The following GUF1 variants were observed in gnomAD, a reference collection of about 807,000 sequenced individuals.
GUF1 encodes the protein GTP binding elongation factor GUF1.
Under a neutral mutation model 82.4 loss-of-function variants are expected in GUF1, and 78 were observed. That is an observed-to-expected ratio of 0.95 (90% CI 0.79 to 1.14). The LOEUF is 1.14. GUF1 is among the 50% of genes most tolerant of loss of function. The pLI, the probability that GUF1 is intolerant of heterozygous loss-of-function variation, is 0.00. For synonymous variants in GUF1, 279 were observed against 282.3 expected (o/e 0.99, Z 0.12); for missense variants, 814 against 798.2 (o/e 1.02, Z -0.24).
At chr4:44,688,749 G>T (rs2109649852) in intron 9 of GUF1, among the ~76,000 whole-genome samples, 1 of 152,036 alleles carries the variant, frequency 6.6e-6, no homozygotes, top group Admixed American at 6.6e-5. Flanking sequence ...AGTCAGTCAT[G>T]TGGATTTTAG....
rs1714550006 is a variant in GUF1, at chr4:44,678,458, C to G, written c.-165C>G. 9.3e-6 allele frequency: 5 copies of G among 539,412 alleles called. No individual in the cohort carries two copies. In the South Asian group the frequency reaches 2.5e-4, roughly 27 times the overall value. The allele number at this position is 539,412 out of a possible 1,614,324, so 33.4% of individuals were successfully genotyped here. A position where few individuals can be genotyped will look rare whatever the true frequency, so the allele number is the denominator to read the frequency against. Reference sequence around the variant, plus strand: ...CTGCGCCGCCGCTTCGGGTTGCTTCCGGATCTGGTACTTGGGCAGAGCTCC... The same window carrying G: ...CTGCGCCGCCGCTTCGGGTTGCTTCGGGATCTGGTACTTGGGCAGAGCTCC... On this transcript the variant is annotated 5_prime_UTR_variant, in exon 1 of 17. Transcript: ENST00000281543.
In GUF1 at chr4:44,680,550, C is replaced by G; in HGVS notation, c.275C>G (p.Thr92Arg). The G allele has an allele frequency of 1.3e-6, 2 of 1,588,626 alleles. No homozygotes were observed. Among genetic ancestry groups the G allele is most frequent in the Non-Finnish European group, 1.7e-6 (2 of 1,161,972 alleles). ...TTAGCTGACAGGCTCCTAGAACTTA[C>G]AGGTATTTCATTTATGTTACATACT... ...STLADRLLEL[T>R]GTIDKTKNNK... Residue 92 changes from threonine to arginine, a missense_variant and splice_region_variant, in exon 2 of 17, where the codon ACA becomes AGA. By Grantham distance (71) the Thr-to-Arg change is moderately conservative. Coordinates refer to ENST00000281543, the MANE Select transcript of GUF1 (RefSeq NM_021927.3).
intron 6 of GUF1, among the ~76,000 whole-genome samples, chr4:44,685,112 AAGT>A (rs1467905109): frequency 6.6e-6 from 1 of 152,158 alleles, no homozygotes; most frequent in Non-Finnish European, 1.5e-5. Flanking sequence ...GGACAGCATC[AAGT>A]AGTATATTCA....
chr4:44,697,381 A>G (rs757029084), intron 15 of GUF1, 27 bp from the exon 16 acceptor site: 2 of 1,493,394 alleles, frequency 1.3e-6, no homozygotes, highest in Admixed American at 3.9e-5. Context: ...GGAATTATGT[A>G]CTTAAACGAA....
chr4:44,690,006 C>G, intron 11 of GUF1, 31 bp downstream of exon 11: 1 of 1,505,914 alleles, frequency 6.6e-7, no homozygotes, highest in African/African-American at 1.4e-5. Context: ...GTATTTAGTA[C>G]TGTTTTGCAT....
Position 44,678,742 on chromosome 4 carries a change from A to T in GUF1, c.120A>T (p.Pro40=). ...CCGCGCCGACCCTTGGGGCTGCTCC[A>T]GAGTCCTGGGCTACCGACAGGCTCT... The part of the protein sequence containing the change: ...PRSAPTLGAA[P]ESWATDRLYS... Residue 40 remains proline, a synonymous_variant, in exon 1 of 17, where the codon CCA becomes CCT. Coordinates refer to ENST00000281543, the MANE Select transcript of GUF1 (RefSeq NM_021927.3). 2 of 1,541,294 alleles carry T rather than the reference A, an allele frequency of 1.3e-6. No individual in the cohort carries two copies. Among genetic ancestry groups the T allele is most frequent in the Non-Finnish European group, 1.7e-6 (2 of 1,153,328 alleles).
At chr4:44,683,404 G>T in intron 6 of GUF1, 86 bp downstream of exon 6, 1 of 676,482 alleles carries the variant, frequency 1.5e-6, no homozygotes, top group South Asian at 2.2e-5. Context: ...TTGATAACCT[G>T]GCATTATATG....
At chr4:44,694,535 C>T (rs563375350) in intron 14 of GUF1, 22 bp downstream of exon 14, 1 of 1,261,874 alleles carries the variant, frequency 7.9e-7, no homozygotes, top group East Asian at 2.4e-5. Context: ...AGAAACTAAT[C>T]ATGGAATGTG....
At chr4:44,689,252 A>G (rs757031124) in intron 9 of GUF1, 34 bp from the exon 10 acceptor site, 23 of 1,532,804 alleles carry the variant, frequency 1.5e-5, no homozygotes, top group Non-Finnish European at 2.0e-5. Flanking sequence ...TAGGCAGCTT[A>G]TCACGTGATA....
At chr4:44,683,492 G>A (rs377341341) in intron 6 of GUF1, among the ~76,000 whole-genome samples, 174 bp downstream of exon 6, 18 of 151,924 alleles carry the variant, frequency 1.2e-4, no homozygotes, top group African/African-American at 4.3e-4. Flanking sequence ...TATATTGTTA[G>A]GACATACAGA....
intron 4 of GUF1, 67 bp downstream of exon 4, chr4:44,681,270 TTAAAA>T: frequency 2.6e-6 from 3 of 1,152,894 alleles, no homozygotes; most frequent in Non-Finnish European, 3.9e-6. Flanking sequence ...GAGTTTTTCT[TTAAAA>T]TGTGTTTTGG....
At chr4:44,688,219 G>A in intron 9 of GUF1, 73 bp downstream of exon 9, 4 of 1,386,824 alleles carry the variant, frequency 2.9e-6, no homozygotes, top group African/African-American at 1.5e-5. Context: ...AGTGGTTAAG[G>A]AAAAAATACA....
chr4:44,679,578 T>G (rs1386442335), intron 1 of GUF1, among the ~76,000 whole-genome samples: 1 of 152,210 alleles, frequency 6.6e-6, no homozygotes, highest in Non-Finnish European at 1.5e-5. Context: ...CTATACCTTT[T>G]GAACTGAAGG....
intron 9 of GUF1, among the ~76,000 whole-genome samples, chr4:44,688,446 A>T (rs986962937): frequency 4.2e-4 from 64 of 151,988 alleles, no homozygotes; most frequent in African/African-American, 1.5e-3. Context: ...TATATTTGAA[A>T]CATTTTTCTA....
intron 13 of GUF1, among the ~76,000 whole-genome samples, chr4:44,692,446 T>A (rs1304205172): frequency 6.6e-6 from 1 of 151,848 alleles, no homozygotes; most frequent in African/African-American, 2.4e-5. Flanking sequence ...TAACTCTAGA[T>A]ACCCTCACTA....
At chr4:44,690,693 A>G in intron 11 of GUF1, 24 bp from the exon 12 acceptor site, 1 of 1,366,720 alleles carries the variant, frequency 7.3e-7, no homozygotes, top group Non-Finnish European at 1.0e-6. Context: ...GATTTTAAGT[A>G]TTGCTGATTT....
intron 6 of GUF1, 40 bp from the exon 7 acceptor site, chr4:44,685,917 CTT>C: frequency 7.2e-7 from 1 of 1,387,636 alleles, no homozygotes; most frequent in Non-Finnish European, 1.0e-6. Context: ...AAAGTATAGT[CTT>C]AACTTTAAAT....
chr4:44,690,055 C>G, intron 11 of GUF1, 80 bp downstream of exon 11: 1 of 1,047,028 alleles, frequency 9.6e-7, no homozygotes, highest in Non-Finnish European at 1.3e-6. Context: ...ATATACAATG[C>G]AGGAGAAGCT....
In GUF1 at chr4:44,699,522, A is replaced by G. The variant is rs1716083072; in HGVS notation, c.*841A>G. 6.6e-6 allele frequency: 1 copy of G among 152,204 alleles called. No individual in the cohort carries two copies. The highest frequency in any genetic ancestry group is 1.5e-5 in the Non-Finnish European group (1 of 68,054). The allele number at this position is 152,204 out of a possible 1,614,324, so 9.4% of individuals were successfully genotyped here. A position where few individuals can be genotyped will look rare whatever the true frequency, so the allele number is the denominator to read the frequency against. ...GTCACAATTTCCATGAATCTCAACA[A>G]GTGAGGACCTGCTATATTTTGTTGC... On this transcript the variant is annotated 3_prime_UTR_variant, in exon 17 of 17. Transcript: ENST00000281543.
Sources: allele counts gnomAD v4.1 joint callset (sites outside exome capture counted in the v4.1 genomes callset), GRCh38; gene constraint gnomAD v4.1.1; transcripts MANE v1.5; gene names NCBI Gene and HGNC (gene_info 2026-07-23, HGNC 2026-07-21).